Variants in EPB41L3 observed in about 807,000 individuals in gnomAD.
EPB41L3 encodes the protein band 4.1-like protein 3.
Under a neutral mutation model 127.1 loss-of-function variants are expected in EPB41L3, and 57 were observed. The ratio of observed to expected loss-of-function variants is 0.45; its 90% CI spans 0.36 to 0.56. EPB41L3 has a LOEUF of 0.56. EPB41L3 is among the 20% of genes least tolerant of loss of function. The pLI is 0.00. For synonymous variants in EPB41L3, 572 were observed against 549.5 expected, an observed-to-expected ratio of 1.04 and a Z score of -0.57; for missense variants, 1,273 against 1,372.2, an observed-to-expected ratio of 0.93 and a Z score of 1.14.
chr18:5,565,586 C>T (rs1202565048), intron 3 of EPB41L3, among the ~76,000 whole-genome samples: 1 of 151,038 alleles, frequency 6.6e-6, no homozygotes, highest in Non-Finnish European at 1.5e-5. Flanking sequence ...GGTATATCTC[C>T]TAATGTTATT....
intron 1 of EPB41L3, among the ~76,000 whole-genome samples, chr18:5,516,606 T>C (rs1001084605): frequency 3.3e-5 from 5 of 152,270 alleles, no homozygotes; most frequent in African/African-American, 4.8e-5. Flanking sequence ...GCCACAGCTA[T>C]ATGACTGTCG....
intron 1 of EPB41L3, among the ~76,000 whole-genome samples, chr18:5,529,765 A>AC (rs1477070862): frequency 2.6e-5 from 4 of 151,838 alleles, no homozygotes. Flanking sequence ...GGCTTTCATT[A>AC]CCTTCCTATC....
At chr18:5,396,133 G>A (rs536788198) in intron 19 of EPB41L3, 68 bp downstream of exon 19, 60 of 1,586,750 alleles carry the variant, frequency 3.8e-5, no homozygotes, top group Middle Eastern at 1.7e-4. Flanking sequence ...GCAGTTCTAT[G>A]TAAACACACT....
chr18:5,537,082 C>A, intron 1 of EPB41L3, among the ~76,000 whole-genome samples: 1 of 152,116 alleles, frequency 6.6e-6, no homozygotes, highest in East Asian at 1.9e-4. Flanking sequence ...AGCAAACAGG[C>A]TCTAGGAAGT....
At chr18:5,563,373 T>C (rs894898537) in intron 3 of EPB41L3, among the ~76,000 whole-genome samples, 1 of 152,162 alleles carries the variant, frequency 6.6e-6, no homozygotes, top group African/African-American at 2.4e-5. Flanking sequence ...ACTGGAGAAA[T>C]GTAAGACTGG....
intron 21 of EPB41L3, 118 bp downstream of exon 21, chr18:5,394,949 T>C: frequency 8.0e-7 from 1 of 1,246,152 alleles, no homozygotes; most frequent in Non-Finnish European, 1.2e-6. Context: ...TATTGGAAAG[T>C]TAATTCGGAA....
At position 5,419,843 on chromosome 18, in the gene EPB41L3, G is replaced by A. The variant is rs1369537097; in HGVS notation, c.1374C>T (p.Gly458=). 1.3e-5 allele frequency: 21 copies of A among 1,614,080 alleles called. No individual in the cohort carries two copies. Among genetic ancestry groups the A allele is most frequent in the Non-Finnish European group, 1.7e-5 (20 of 1,180,046 alleles). The change falls in exon 12 of 23, where the codon GGC becomes GGT. Residue 458 remains glycine (G), a synonymous_variant. Transcript: ENST00000341928. ...TGGTGATCAAGTTGGTCTGAGAGAT[G>A]CCTTTTGTTGTGGCGTACTGGCCAG... ...VGTGQYATTK[G]ISQTNLITTV...
In EPB41L3 at chr18:5,456,573, A is replaced by G. The variant is rs1053184240; in HGVS notation, c.382-11329T>C. ...TATTTTAGATGAGTATTTAAAGTCC[A>G]GTAGATAGGGGAAGAAAAAACCTTC... On this transcript the variant is annotated intron_variant, in intron 3 of 22. Coordinates refer to ENST00000341928, the MANE Select transcript of EPB41L3 (RefSeq NM_012307.5). 9.2e-5 allele frequency among the ~76,000 whole-genome samples: 14 copies of G among 152,368 alleles called. 1 individual carries two copies. The highest frequency in any genetic ancestry group is 4.6e-4 in the Admixed American group (7 of 15,310).
In EPB41L3 at chr18:5,433,633, TG is replaced by T. The variant is rs1598875425; in HGVS notation, c.825-78del. 3 of 1,310,200 alleles carry T rather than the reference TG, an allele frequency of 2.3e-6. No homozygotes were observed. In the East Asian group the frequency reaches 7.2e-5, roughly 32 times the overall value. 81.2% of individuals were successfully genotyped at this position (1,310,200 alleles called of 1,614,324 possible). A position where few individuals can be genotyped will look rare whatever the true frequency, so the allele number is the denominator to read the frequency against. ...CTGCAATATTTCCCACTTAGTTCCA[TG>T]CTATCTCATAAGAAGTCCTATGGAG... On this transcript the variant is annotated intron_variant, in intron 7 of 22. Coordinates refer to ENST00000341928, the MANE Select transcript of EPB41L3 (RefSeq NM_012307.5).
chr18:5,410,638 A>C lies in EPB41L3; in HGVS notation c.2068-19T>G. ...TGTCAGTCTGTTGACCACAGAAGTGATCAGGTTCCAGGAGGAAGGCAGGGA... is the reference window on the plus strand; with the variant it reads ...TGTCAGTCTGTTGACCACAGAAGTGCTCAGGTTCCAGGAGGAAGGCAGGGA... On this transcript the variant is annotated intron_variant, in intron 13 of 22. Coordinates refer to ENST00000341928, the MANE Select transcript of EPB41L3 (RefSeq NM_012307.5). 1 of 1,609,568 alleles carries C rather than the reference A, an allele frequency of 6.2e-7. No homozygotes were observed. Among genetic ancestry groups the C allele is most frequent in the East Asian group, 2.2e-5 (1 of 44,772 alleles).
chr18:5,613,862 T>C (rs1003735208), intron 2 of EPB41L3, among the ~76,000 whole-genome samples: 7 of 152,244 alleles, frequency 4.6e-5, no homozygotes, highest in Non-Finnish European at 7.3e-5. Flanking sequence ...TAACATGAAA[T>C]GGATTTATTA....
chr18:5,623,729 C>G (rs2094891134), intron 1 of EPB41L3, among the ~76,000 whole-genome samples: 1 of 151,420 alleles, frequency 6.6e-6, no homozygotes, highest in Non-Finnish European at 1.5e-5. Flanking sequence ...CTCACTGCAA[C>G]CTCTGCCTCC....
intron 3 of EPB41L3, among the ~76,000 whole-genome samples, chr18:5,565,437 G>A (rs2094185421): frequency 6.6e-6 from 1 of 151,370 alleles, no homozygotes; most frequent in Non-Finnish European, 1.5e-5. Context: ...GAGAGACTCA[G>A]GTTTTCTTCT....
intron 3 of EPB41L3, among the ~76,000 whole-genome samples, chr18:5,580,933 A>T (rs1165598219): frequency 6.6e-6 from 1 of 152,220 alleles, no homozygotes; most frequent in Non-Finnish European, 1.5e-5. Flanking sequence ...TAGCCTTCTT[A>T]GCATGACCTG....
At chr18:5,558,516 T>G (rs2094074131) in intron 3 of EPB41L3, among the ~76,000 whole-genome samples, 1 of 152,210 alleles carries the variant, frequency 6.6e-6, no homozygotes, top group Non-Finnish European at 1.5e-5. Context: ...AGTGTACGCC[T>G]ATAGTATGCA....
intron 1 of EPB41L3, among the ~76,000 whole-genome samples, chr18:5,499,723 C>T (rs551155672): frequency 6.6e-6 from 1 of 151,830 alleles, no homozygotes; most frequent in East Asian, 1.9e-4. Flanking sequence ...GCCCAGATCG[C>T]ACCACTGCAC....
At chr18:5,521,165 T>A (rs1451155759) in intron 1 of EPB41L3, 4 of 152,228 alleles carry the variant, frequency 2.6e-5, no homozygotes. Flanking sequence ...CAATAACTAG[T>A]CTGGTATAGA....
chr18:5,622,745 G>A (rs1254951608), intron 1 of EPB41L3, among the ~76,000 whole-genome samples: 1 of 152,096 alleles, frequency 6.6e-6, no homozygotes, highest in African/African-American at 2.4e-5. Flanking sequence ...AATGATCTTT[G>A]CTCCCACAGA....
In EPB41L3 at chr18:5,415,819, T is replaced by TCAGAGA; in HGVS notation, c.2065_2066insTCTCTG (p.Glu688_Glu689insValSer). ...CGTGTTCTATGCCGAGGTACACACC[T>TCAGAGA]CTTCCTCTGAACTGTCACTCGGGTC... On this transcript the variant is annotated inframe_insertion and splice_region_variant, in exon 13 of 23. Transcript: ENST00000341928. The TCAGAGA allele has an allele frequency of 1.9e-6, 3 of 1,611,550 alleles. No individual in the cohort carries two copies. The highest frequency in any genetic ancestry group is 2.5e-6 in the Non-Finnish European group (3 of 1,179,512).
Sources: allele counts gnomAD v4.1 joint callset (sites outside exome capture counted in the v4.1 genomes callset), GRCh38; gene constraint gnomAD v4.1.1; transcripts MANE v1.5; gene names NCBI Gene and HGNC (gene_info 2026-07-23, HGNC 2026-07-21).